The following DCAF6 variants were observed in gnomAD, a reference collection of about 807,000 sequenced individuals.
The protein encoded by DCAF6 is DDB1 and CUL4 associated factor 6, also known as DDB1- and CUL4-associated factor 6.
In DCAF6, 54 loss-of-function variants were observed where a neutral mutation model predicts 125.1. The ratio of observed to expected loss-of-function variants is 0.43; its 90% confidence interval spans 0.35 to 0.54. The LOEUF is 0.54. Among genes scored for constraint, DCAF6 ranks in the 20% least tolerant of loss-of-function variants. The probability of loss-of-function intolerance (pLI) is 0.01; values close to 1 mark genes in which losing one functional copy is unlikely to be tolerated. For missense variants in DCAF6, 934 were observed against 1,161.7 expected (o/e 0.80, Z 2.85); for synonymous variants, 371 against 390.4 (o/e 0.95, Z 0.58).
chr1:168,046,445 C>G (rs1689160442), intron 16 of DCAF6, among the ~76,000 whole-genome samples: 2 of 152,176 alleles, frequency 1.3e-5, no homozygotes, highest in Admixed American at 1.3e-4. Context: ...GGGGAACTGC[C>G]TTTTCTTAAC....
chr1:167,936,253 T>A, upstream of DCAF6: 1 of 220,046 alleles, frequency 4.5e-6, no homozygotes, highest in South Asian at 6.0e-5. Flanking sequence ...CCCCATGCCC[T>A]CGAGGCCATG....
At chr1:167,905,302 T>C in the DCAF6 span, 2 of 874,350 alleles carry the variant, frequency 2.3e-6, no homozygotes, top group South Asian at 1.5e-5. Flanking sequence ...CTGCTTATAG[T>C]GGTGAAAATG....
chr1:167,955,836 C>A (rs1327341747), intron 2 of DCAF6, among the ~76,000 whole-genome samples: 2 of 152,216 alleles, frequency 1.3e-5, no homozygotes, highest in Non-Finnish European at 2.9e-5. Flanking sequence ...TCATAGCTCA[C>A]TATAGCCTCG....
chr1:167,885,865 C>T, the DCAF6 span, among the ~76,000 whole-genome samples: 4 of 152,160 alleles, frequency 2.6e-5, no homozygotes, highest in Non-Finnish European at 4.4e-5. Context: ...TTGCCCACCT[C>T]GGCCTCCCAA....
chr1:168,052,305 A>C (rs571773763), intron 17 of DCAF6, among the ~76,000 whole-genome samples: 1 of 152,318 alleles, frequency 6.6e-6, no homozygotes, highest in South Asian at 2.1e-4. Context: ...TTTATAATGA[A>C]AATTGCAACT....
chr1:167,890,233 G>C, the DCAF6 span, among the ~76,000 whole-genome samples: 1,698 of 152,268 alleles, frequency 0.011, 30 homozygotes, highest in African/African-American at 0.037. Flanking sequence ...AAAAAACTTG[G>C]GTGTTGTGAT....
chr1:167,887,905 T>G, the DCAF6 span, among the ~76,000 whole-genome samples: 1 of 152,256 alleles, frequency 6.6e-6, no homozygotes, highest in Admixed American at 6.5e-5. Flanking sequence ...AATGTTTTCT[T>G]GTAGTAGTTT....
chr1:167,966,537 T>C, intron 2 of DCAF6, 92 bp from the exon 3 acceptor site: 1 of 797,412 alleles, frequency 1.3e-6, no homozygotes, highest in Non-Finnish European at 2.2e-6. Flanking sequence ...ACCTCATTAG[T>C]GGTAAAAATT....
chr1:167,890,160 G>A, the DCAF6 span, among the ~76,000 whole-genome samples: 1 of 151,988 alleles, frequency 6.6e-6, no homozygotes, highest in Non-Finnish European at 1.5e-5. Flanking sequence ...GGTATTTATT[G>A]TAGTCTTTGA....
At chr1:168,019,867 T>C (rs564700219) in intron 11 of DCAF6, 1 of 162,704 alleles carries the variant, frequency 6.1e-6, no homozygotes, top group African/African-American at 2.4e-5. Context: ...ACAGTGTCCA[T>C]AATGACAGTC....
At chr1:168,052,511 T>C (rs1211686587) in intron 17 of DCAF6, among the ~76,000 whole-genome samples, 4 of 152,236 alleles carry the variant, frequency 2.6e-5, no homozygotes, top group African/African-American at 9.6e-5. Flanking sequence ...CTTCTAATTA[T>C]AAGGCAGTAT....
At chr1:167,909,453 G>C in the DCAF6 span, among the ~76,000 whole-genome samples, 3 of 152,174 alleles carry the variant, frequency 2.0e-5, no homozygotes, top group African/African-American at 4.8e-5. Context: ...GTACAGGCTT[G>C]TCCAAGCTAT....
chr1:167,996,232 T>G (rs1319307139), intron 7 of DCAF6, among the ~76,000 whole-genome samples: 4 of 152,150 alleles, frequency 2.6e-5, no homozygotes, highest in Non-Finnish European at 5.9e-5. Flanking sequence ...TAATTTTTTT[T>G]GTACTTTCTG....
chr1:167,931,503 T>C (rs574327681), upstream of DCAF6, among the ~76,000 whole-genome samples: 4 of 151,942 alleles, frequency 2.6e-5, no homozygotes, highest in African/African-American at 9.6e-5. Context: ...AAAAATAATA[T>C]ATGTATATTT....
rs140698633 is a variant in DCAF6, at chr1:167,971,182, T to G, written c.253-3648T>G. Among the ~76,000 whole-genome samples, 317 of 152,330 alleles carry G rather than the reference T, an allele frequency of 2.1e-3. 2 individuals carry two copies. Among genetic ancestry groups the G allele is most frequent in the African/African-American group, 7.1e-3 (296 of 41,588 alleles). ...TACTTGGTAAATTTAAAATTCATTC[T>G]TCAAATCTCAGCTCTTTTTTGTGAT... On this transcript the variant is annotated intron_variant, in intron 3 of 21. Transcript: ENST00000367840.
chr1:167,876,374 G>T, the DCAF6 span, among the ~76,000 whole-genome samples: 7 of 152,224 alleles, frequency 4.6e-5, no homozygotes, highest in African/African-American at 1.7e-4. Flanking sequence ...GATACTGACA[G>T]TATCCAAACA....
intron 4 of DCAF6, among the ~76,000 whole-genome samples, chr1:167,981,695 T>C (rs1476804201): frequency 6.6e-6 from 1 of 152,240 alleles, no homozygotes; most frequent in Non-Finnish European, 1.5e-5. Flanking sequence ...TCTTAGTTGC[T>C]GCAAAGGACA....
chr1:167,919,926 T>C, the DCAF6 span: 18 of 1,335,226 alleles, frequency 1.3e-5, no homozygotes, highest in Non-Finnish European at 1.7e-5. Context: ...AAAAAATTAG[T>C]GCCATCTAAG....
chr1:167,902,493 T>G, the DCAF6 span, among the ~76,000 whole-genome samples: 1 of 152,236 alleles, frequency 6.6e-6, no homozygotes, highest in Admixed American at 6.5e-5. Flanking sequence ...CATAGTCACT[T>G]GCATTTTTGG....
Sources: allele counts gnomAD v4.1 joint callset (sites outside exome capture counted in the v4.1 genomes callset), GRCh38; gene constraint gnomAD v4.1.1; transcripts MANE v1.5; gene names NCBI Gene and HGNC (gene_info 2026-07-23, HGNC 2026-07-21).